Variants in ZFHX3 observed in about 807,000 individuals in gnomAD.
ZFHX3 encodes zinc finger homeobox 3, also known as zinc finger homeobox protein 3.
A neutral mutation model predicts 279.1 loss-of-function variants in ZFHX3; 42 were observed. The ratio of observed to expected loss-of-function variants is 0.15; its 90% confidence interval spans 0.12 to 0.19. The LOEUF (loss-of-function observed/expected upper bound fraction) is 0.19. Ranked by LOEUF, ZFHX3 falls within the 10% of genes least tolerant of loss-of-function variation. The pLI, the probability that ZFHX3 is intolerant of heterozygous loss-of-function variation, is 1.00. For missense variants in ZFHX3, 4,981 were observed against 4,754.0 expected, an observed-to-expected ratio of 1.05 and a Z score of -1.40; for synonymous variants, 2,293 against 1,957.8, an observed-to-expected ratio of 1.17 and a Z score of -4.52.
intron 6 of ZFHX3, among the ~76,000 whole-genome samples, chr16:73,134,331 CTTTTTTTTTTTTTTTT>C (rs58052486): frequency 2.0e-4 from 10 of 50,284 alleles, no homozygotes; most frequent in African/African-American, 2.0e-4. Context: ...CTCCCCACCT[CTTTTTTTTTTTTTTTT>C]TTTTTTTTTT....
At chr16:73,433,322 G>A (rs2017941580) in intron 3 of ZFHX3, among the ~76,000 whole-genome samples, 1 of 152,220 alleles carries the variant, frequency 6.6e-6, no homozygotes, top group South Asian at 2.1e-4. Context: ...TTAGTCACTT[G>A]CTTGAGGGCT....
At chr16:73,840,044 C>A (rs2142368367) in intron 1 of ZFHX3, among the ~76,000 whole-genome samples, 1 of 152,296 alleles carries the variant, frequency 6.6e-6, no homozygotes, top group South Asian at 2.1e-4. Context: ...GTCCAGGCAT[C>A]TGGAGTGAAC....
At chr16:73,156,720 T>G (rs1967093427) in intron 5 of ZFHX3, among the ~76,000 whole-genome samples, 1 of 122,180 alleles carries the variant, frequency 8.2e-6, no homozygotes, top group Admixed American at 9.6e-5. Flanking sequence ...CATGTCTGGC[T>G]AATTTTTTTT....
chr16:72,876,246 T>C (rs915107577), intron 4 of ZFHX3, among the ~76,000 whole-genome samples: 1 of 152,222 alleles, frequency 6.6e-6, no homozygotes, highest in Non-Finnish European at 1.5e-5. Context: ...CAAATTTTAC[T>C]GTTCTCTGTA....
chr16:73,055,698 G>GCACACA (rs71156135), intron 1 of ZFHX3, among the ~76,000 whole-genome samples: 133 of 109,484 alleles, frequency 1.2e-3, no homozygotes, highest in African/African-American at 3.4e-3. Flanking sequence ...GCGCGCGCGC[G>GCACACA]CACACACACA....
intron 1 of ZFHX3, among the ~76,000 whole-genome samples, chr16:73,846,176 A>G (rs760162553): frequency 1.3e-5 from 2 of 152,210 alleles, no homozygotes; most frequent in African/African-American, 2.4e-5. Context: ...GTATATTGCC[A>G]TCAACATTCA....
chr16:72,806,728 A>G (rs1406799870), intron 7 of ZFHX3, among the ~76,000 whole-genome samples: 1 of 152,184 alleles, frequency 6.6e-6, no homozygotes, highest in African/African-American at 2.4e-5. Flanking sequence ...GTTACAAACT[A>G]TTGGTCTCAA....
chr16:73,845,518 G>A (rs1961427758), intron 1 of ZFHX3, among the ~76,000 whole-genome samples: 1 of 151,682 alleles, frequency 6.6e-6, no homozygotes, highest in African/African-American at 2.4e-5. Flanking sequence ...ACCACATAAG[G>A]AGGAAACATC....
chr16:73,454,476 C>A (rs1285050024), intron 3 of ZFHX3, among the ~76,000 whole-genome samples: 3 of 150,986 alleles, frequency 2.0e-5, no homozygotes, highest in South Asian at 2.1e-4. Context: ...GTAATGGGAC[C>A]ATTCAAGCTA....
At chr16:72,925,235 C>A (rs1168373151) in intron 3 of ZFHX3, among the ~76,000 whole-genome samples, 8 of 152,212 alleles carry the variant, frequency 5.3e-5, no homozygotes, top group Admixed American at 5.2e-4. Context: ...CCCCCACTTC[C>A]CAGAAGCTGG....
intron 1 of ZFHX3, among the ~76,000 whole-genome samples, chr16:73,037,661 C>A (rs1188942908): frequency 6.6e-6 from 1 of 152,136 alleles, no homozygotes; most frequent in African/African-American, 2.4e-5. Flanking sequence ...CTCTAGAATG[C>A]AACACCCTGG....
At position 73,098,044 on chromosome 16, in the gene ZFHX3, A is replaced by G. The variant is rs78799114; in HGVS notation, c.-896-4446T>C. Among the ~76,000 whole-genome samples, 783 of 149,920 alleles carry G rather than the reference A, an allele frequency of 5.2e-3. 7 individuals carry two copies. Among genetic ancestry groups the G allele is most frequent in the African/African-American group, 0.018 (739 of 40,894 alleles). On this transcript the variant is annotated intron_variant, in intron 7 of 17. Coordinates refer to the ZFHX3 transcript ENST00000641206. ...ATAATGTTGCTGTCAACATGAGTGT[A>G]CAAGTATCTGCGTCCCTTGTGTATC...
rs111843215 is a variant in ZFHX3 at position 73,258,993 on chromosome 16, T to G, written c.-1193-1857A>C. Among the ~76,000 whole-genome samples, 12 of 152,352 alleles carry G rather than the reference T, an allele frequency of 7.9e-5. 1 individual carries two copies. The highest frequency in any genetic ancestry group is 2.6e-4 in the African/African-American group (11 of 41,590). ...CAAATTCTTGTGCAATCTGTTTTCTTTAAACTCAACGTTAAGTTTTTGAGT... is the reference window on the plus strand; with the variant it reads ...CAAATTCTTGTGCAATCTGTTTTCTGTAAACTCAACGTTAAGTTTTTGAGT... On this transcript the variant is annotated intron_variant, in intron 4 of 17. Coordinates refer to the ZFHX3 transcript ENST00000641206.
In ZFHX3 at chr16:73,542,989, T is replaced by C. The variant is rs549666247; in HGVS notation, c.-1546-86731A>G. Reference sequence around the variant, plus strand: ...TATGGCCACTGAAGAGAAGATCAGATGAGCTTTGTAGTTTTTAACCGTATA... The same window carrying C: ...TATGGCCACTGAAGAGAAGATCAGACGAGCTTTGTAGTTTTTAACCGTATA... On this transcript the variant is annotated intron_variant, in intron 2 of 17. Coordinates refer to the ZFHX3 transcript ENST00000641206. 1.5e-3 allele frequency among the ~76,000 whole-genome samples: 230 copies of C among 152,222 alleles called. 1 individual carries two copies. The highest frequency in any genetic ancestry group is 5.2e-3 in the African/African-American group (217 of 41,534).
At chr16:73,665,950 G>T (rs1597055531) in intron 2 of ZFHX3, among the ~76,000 whole-genome samples, 1 of 150,722 alleles carries the variant, frequency 6.6e-6, no homozygotes, top group African/African-American at 2.5e-5. Context: ...TGAGTAACTG[G>T]GACTACAGGA....
intron 5 of ZFHX3, among the ~76,000 whole-genome samples, chr16:73,253,628 T>G: frequency 6.9e-6 from 1 of 145,722 alleles, no homozygotes; most frequent in Non-Finnish European, 1.5e-5. Flanking sequence ...ATTTTTTTTT[T>G]GTATTTTTAG....
intron 1 of ZFHX3, among the ~76,000 whole-genome samples, chr16:73,735,909 T>TGTTTG (rs1567565769): frequency 6.8e-6 from 1 of 148,132 alleles, no homozygotes; most frequent in Non-Finnish European, 1.5e-5. Flanking sequence ...TTTTTTTTTT[T>TGTTTG]TTTTTTTAAT....
chr16:73,760,439 G>T (rs2053852208), intron 1 of ZFHX3, among the ~76,000 whole-genome samples: 1 of 152,110 alleles, frequency 6.6e-6, no homozygotes, highest in Non-Finnish European at 1.5e-5. Flanking sequence ...ATCATTTTAT[G>T]AGGCCAGCAT....
chr16:72,926,221 C>T (rs565498258), intron 3 of ZFHX3, among the ~76,000 whole-genome samples: 6 of 152,306 alleles, frequency 3.9e-5, no homozygotes, highest in African/African-American at 1.4e-4. Flanking sequence ...TAGCTAAACT[C>T]AAACTAGATG....
Sources: allele counts gnomAD v4.1 joint callset (sites outside exome capture counted in the v4.1 genomes callset), GRCh38; gene constraint gnomAD v4.1.1; transcripts MANE v1.5; gene names NCBI Gene and HGNC (gene_info 2026-07-23, HGNC 2026-07-21).